Variants in ITPRID1 observed in about 807,000 individuals in gnomAD.
The protein encoded by ITPRID1 is protein ITPRID1.
A neutral mutation model predicts 95.4 loss-of-function variants in ITPRID1; 96 were observed. That is an observed-to-expected ratio of 1.01 (90% CI 0.85 to 1.19). ITPRID1 has a LOEUF of 1.19. Ranked by LOEUF, ITPRID1 falls within the 50% of genes most tolerant of loss-of-function variation. ITPRID1 has a pLI of 0.00. For missense variants in ITPRID1, 1,339 were observed against 1,252.9 expected (o/e 1.07, Z -1.04); for synonymous variants, 510 against 453.6 (o/e 1.12, Z -1.58).
chr7:31,643,535 G>A lies in ITPRID1; in HGVS notation c.2165G>A (p.Arg722Lys), dbSNP rs1178264616. Residue 722 changes from arginine (R) to lysine (K), a missense_variant, in exon 12 of 15, where the codon AGG becomes AAG. By Grantham distance (26) the Arg-to-Lys change is conservative. Transcript: ENST00000615280. ...MSSSLVSAAQ[R>K]AVALGTGPRG... ...TCCAGCCTGGTGTCGGCTGCTCAGA[G>A]GGCTGTGGCCTTGGGGACTGGTCCC... 13 of 1,614,020 alleles carry A rather than the reference G, an allele frequency of 8.1e-6. No homozygotes were observed. The highest frequency in any genetic ancestry group is 1.1e-5 in the Non-Finnish European group (13 of 1,179,894).
At chr7:31,616,417 CTT>C (rs1491058573) in intron 10 of ITPRID1, among the ~76,000 whole-genome samples, 1 of 14,338 alleles carries the variant, frequency 7.0e-5, no homozygotes, top group Non-Finnish European at 1.5e-4. Flanking sequence ...TACCACCTGT[CTT>C]AGGTTGGATT....
intron 1 of ITPRID1, among the ~76,000 whole-genome samples, chr7:31,516,904 C>T (rs916026705): frequency 2.6e-5 from 4 of 152,076 alleles, no homozygotes; most frequent in African/African-American, 9.7e-5. Context: ...ATGGTGTGTC[C>T]AGAGTTTGTC....
chr7:31,622,870 TAAAG>T (rs942259936), intron 10 of ITPRID1, among the ~76,000 whole-genome samples: 2 of 151,932 alleles, frequency 1.3e-5, no homozygotes, highest in African/African-American at 4.8e-5. Flanking sequence ...GCAAGACTAA[TAAAG>T]AAGAAAAGAG....
At chr7:31,573,474 C>T (rs1424137751) in intron 7 of ITPRID1, among the ~76,000 whole-genome samples, 2 of 151,952 alleles carry the variant, frequency 1.3e-5, no homozygotes, top group Admixed American at 1.3e-4. Flanking sequence ...GAGATAGCTA[C>T]CTGTTGTTGA....
chr7:31,560,188 C>T (rs2128139304), intron 5 of ITPRID1, among the ~76,000 whole-genome samples: 1 of 152,214 alleles, frequency 6.6e-6, no homozygotes, highest in Non-Finnish European at 1.5e-5. Context: ...AAGCCAGGGG[C>T]AGGAGTATGT....
intron 5 of ITPRID1, among the ~76,000 whole-genome samples, chr7:31,564,847 G>A (rs983279274): frequency 7.2e-5 from 11 of 152,116 alleles, no homozygotes; most frequent in African/African-American, 1.7e-4. Context: ...CACCTGGGCC[G>A]GGGCTGCTGG....
In ITPRID1 at chr7:31,569,813, G is replaced by A; in HGVS notation, c.308+4G>A. On this transcript the variant is annotated splice_donor_region_variant and intron_variant, in intron 6 of 14. Transcript: ENST00000615280. ...TGACTGTGAAAGACTACATGAGGTA[G>A]GTAGCAGAATCAGTGTTACTTCATG... is the stretch of plus-strand genomic sequence containing the variant. 1 of 1,581,258 alleles carries A rather than the reference G, an allele frequency of 6.3e-7. No individual in the cohort carries two copies. The highest frequency in any genetic ancestry group is 8.6e-7 in the Non-Finnish European group (1 of 1,162,202).
chr7:31,570,357 G>A lies in ITPRID1; in HGVS notation c.308+548G>A, dbSNP rs554450803. 2.6e-5 allele frequency among the ~76,000 whole-genome samples: 4 copies of A among 152,264 alleles called. No homozygotes were observed. In the South Asian group the frequency reaches 8.3e-4, roughly 32 times the overall value. On this transcript the variant is annotated intron_variant, in intron 6 of 14. Transcript: ENST00000615280. ...TACTGAACCAGATCATTTGGAGGTA[G>A]GGTCCAGAAATCTGTATTTGTGCAT...
intron 13 of ITPRID1, among the ~76,000 whole-genome samples, 178 bp downstream of exon 13, chr7:31,651,447 T>C (rs1321910221): frequency 6.6e-6 from 1 of 152,190 alleles, no homozygotes; most frequent in African/African-American, 2.4e-5. Flanking sequence ...GAGAGCCATT[T>C]GCTAGATAGC....
intron 8 of ITPRID1, among the ~76,000 whole-genome samples, chr7:31,576,800 G>A (rs957382530): frequency 2.6e-5 from 4 of 152,160 alleles, no homozygotes; most frequent in South Asian, 2.1e-4. Context: ...CTTGACCTTC[G>A]CTGAGTTATG....
At chr7:31,658,270 G>C (rs980862606), downstream of ITPRID1, 13 of 1,502,422 alleles carry the variant, frequency 8.7e-6, no homozygotes, top group Non-Finnish European at 7.9e-6. Context: ...TTCTCTTATA[G>C]GTGAATTATT....
At chr7:31,584,629 T>G (rs183856580) in intron 10 of ITPRID1, among the ~76,000 whole-genome samples, 3 of 152,368 alleles carry the variant, frequency 2.0e-5, no homozygotes, top group Admixed American at 2.0e-4. Flanking sequence ...GAGAGCCTAA[T>G]GGATAAAATC....
At chr7:31,651,385 G>A (rs1583754959) in intron 13 of ITPRID1, 116 bp downstream of exon 13, 1 of 1,219,376 alleles carries the variant, frequency 8.2e-7, no homozygotes, top group African/African-American at 1.6e-5. Flanking sequence ...AAACCGGCCA[G>A]CTTTTCCTTT....
chr7:31,545,106 C>T (rs1034986069), intron 1 of ITPRID1, among the ~76,000 whole-genome samples: 1 of 152,076 alleles, frequency 6.6e-6, no homozygotes, highest in Admixed American at 6.6e-5. Context: ...CTGTGAGTGT[C>T]AGAAGTAGGT....
At position 31,532,117 on chromosome 7, in the gene ITPRID1, A is replaced by G. The variant is rs113958978; in HGVS notation, c.-97-17309A>G. ...TGAACTAATTCCTTTCCATTTTGAG[A>G]TAATATATATACAATTTTATAACAT... On this transcript the variant is annotated intron_variant, in intron 1 of 14. Transcript: ENST00000615280. Among the ~76,000 whole-genome samples, 1,315 of 152,130 alleles carry G rather than the reference A, an allele frequency of 8.6e-3. 17 individuals carry two copies. The highest frequency in any genetic ancestry group is 0.052 in the South Asian group (250 of 4,798).
At chr7:31,540,620 A>G (rs1783903641) in intron 1 of ITPRID1, among the ~76,000 whole-genome samples, 1 of 152,204 alleles carries the variant, frequency 6.6e-6, no homozygotes, top group Non-Finnish European at 1.5e-5. Flanking sequence ...GCAGTGCAGC[A>G]AGAATAATTA....
At chr7:31,594,528 T>C (rs1285493445) in intron 10 of ITPRID1, among the ~76,000 whole-genome samples, 3 of 152,316 alleles carry the variant, frequency 2.0e-5, no homozygotes, top group East Asian at 3.9e-4. Flanking sequence ...TAAGAAATAA[T>C]TCTGGCAATA....
At position 31,652,684 on chromosome 7, in the gene ITPRID1, G is replaced by A. The variant is rs765028284; in HGVS notation, c.2990G>A (p.Gly997Asp). 4 of 1,613,820 alleles carry A rather than the reference G, an allele frequency of 2.5e-6. No individual in the cohort carries two copies. The East Asian group carries it at 6.7e-5, about 27-fold the overall frequency. The change falls in exon 15 of 15, where the codon GGT (glycine) becomes GAT (aspartate). Residue 997 changes from glycine to aspartate, a missense_variant. Gly to Asp is a moderately conservative substitution (Grantham distance 94). Transcript: ENST00000615280. ...PDDGQEAPCS[G>D]GTQLAAFTPP... is the part of the protein sequence containing the mutation. ...GATGGCCAGGAGGCTCCCTGTTCAGGTGGGACCCAGTTGGCTGCCTTCACT... is the reference window on the plus strand; with the variant it reads ...GATGGCCAGGAGGCTCCCTGTTCAGATGGGACCCAGTTGGCTGCCTTCACT...
chr7:31,618,664 G>GGTTTCTACA (rs201756680), intron 10 of ITPRID1, among the ~76,000 whole-genome samples: 6,342 of 152,184 alleles, frequency 0.042, 380 homozygotes, highest in African/African-American at 0.13. Flanking sequence ...CATAATTATA[G>GGTTTCTACA]TTGAGTATTA....
Sources: gnomAD v4.1 joint callset for allele counts (sites outside exome capture counted in the v4.1 genomes callset) on GRCh38, gnomAD v4.1.1 for gene constraint, MANE v1.5 for transcripts, NCBI Gene and HGNC (gene_info 2026-07-23, HGNC 2026-07-21) for gene names.